The following SLC25A43 variants were observed in gnomAD, a reference collection of about 807,000 sequenced individuals.
SLC25A43 encodes the protein solute carrier family 25, member 43.
Under a neutral mutation model 22.8 loss-of-function variants are expected in SLC25A43, and 10 were observed. The observed-to-expected ratio is 0.44, with a 90% CI of 0.27 to 0.74. SLC25A43 has a LOEUF of 0.74. Among genes scored for constraint, SLC25A43 ranks in the 30% least tolerant of loss-of-function variants. SLC25A43 has a pLI of 0.17. For synonymous variants in SLC25A43, 106 were observed against 121.6 expected (o/e 0.87, Z 0.84); for missense variants, 233 against 279.1 (o/e 0.83, Z 1.18).
intron 3 of SLC25A43, among the ~76,000 whole-genome samples, chrX:119,451,616 G>A: frequency 8.9e-6 from 1 of 111,838 alleles, no homozygotes; most frequent in Non-Finnish European, 1.9e-5. Context: ...GAAATGAACA[G>A]CCTCCGCTTG....
At chrX:119,411,574 AAGTG>A (rs1250882300) in intron 3 of SLC25A43, among the ~76,000 whole-genome samples, 1 of 111,629 alleles carries the variant, frequency 9.0e-6, no homozygotes, top group Non-Finnish European at 1.9e-5. Context: ...AGAAGTTCCA[AAGTG>A]AGTAATTGTC....
At chrX:119,447,658 T>A (rs909116110) in intron 3 of SLC25A43, among the ~76,000 whole-genome samples, 10 of 110,938 alleles carry the variant, frequency 9.0e-5, no homozygotes, top group African/African-American at 3.3e-4. Flanking sequence ...TTAGATCCAA[T>A]GGTCACTTCT....
chrX:119,399,820 G>T, intron 1 of SLC25A43, 142 bp downstream of exon 1: 1 of 629,455 alleles, frequency 1.6e-6, no homozygotes. Context: ...GGACCCCTCG[G>T]GGCGGTGGGC....
At chrX:119,441,490 T>TC (rs1352182635) in intron 3 of SLC25A43, among the ~76,000 whole-genome samples, 1 of 111,275 alleles carries the variant, frequency 9.0e-6, no homozygotes, top group Non-Finnish European at 1.9e-5. Flanking sequence ...TCTTGGCTCC[T>TC]CCCGCTTTGT....
At chrX:119,446,294 A>C (rs887460223) in intron 3 of SLC25A43, among the ~76,000 whole-genome samples, 1 of 111,621 alleles carries the variant, frequency 9.0e-6, no homozygotes, top group East Asian at 2.8e-4. Context: ...AAAGCTAAGT[A>C]AAATGTGGTC....
chrX:119,452,082 A>G lies in SLC25A43; in HGVS notation c.764A>G (p.Gln255Arg). The change falls in exon 4 of 5, where the codon CAG becomes CGG. Residue 255 changes from glutamine to arginine, a missense_variant. By Grantham distance (43) the Gln-to-Arg change is conservative. Transcript: ENST00000217909. ...HFSGAVDCFR[Q>R]IVKAQGVLGL... ...TCAGGAGCAGTGGACTGCTTCCGGC[A>G]GATAGTGAAGGCCCAGGGGGTCCTG... 1 of 1,210,452 alleles carries G rather than the reference A, an allele frequency of 8.3e-7. No homozygotes were observed. The highest frequency in any genetic ancestry group is 1.1e-6 in the Non-Finnish European group (1 of 894,839).
intron 3 of SLC25A43, among the ~76,000 whole-genome samples, chrX:119,411,857 G>A (rs200770224): frequency 1.8e-5 from 2 of 111,725 alleles, no homozygotes; most frequent in East Asian, 5.6e-4. Context: ...CATCCTGCAC[G>A]TGTACCACAG....
chrX:119,444,934 T>C (rs774713353), intron 3 of SLC25A43, among the ~76,000 whole-genome samples: 136 of 100,985 alleles, frequency 1.3e-3, no homozygotes, highest in African/African-American at 4.8e-3. Context: ...ACTCAGGAGG[T>C]TGAGGCACAA....
chrX:119,405,082 G>A (rs217981), intron 1 of SLC25A43, among the ~76,000 whole-genome samples: 52,228 of 110,107 alleles, frequency 0.47, 8,951 homozygotes, highest in East Asian at 0.55. Flanking sequence ...GAGACCTAAA[G>A]TGCCCCAACA....
intron 3 of SLC25A43, among the ~76,000 whole-genome samples, chrX:119,412,464 T>C (rs2052358651): frequency 9.1e-6 from 1 of 110,488 alleles, no homozygotes; most frequent in Admixed American, 9.6e-5. Context: ...AACCTCCTCC[T>C]CCTGGGTTTA....
rs987369887 is a variant in SLC25A43, at chrX:119,412,096, C to T, written c.690+1734C>T. On this transcript the variant is annotated intron_variant, in intron 3 of 4. Coordinates refer to ENST00000217909, the MANE Select transcript of SLC25A43 (RefSeq NM_145305.3). ...CTTGCTCAATGTCCCTCCCCGCTCC[C>T]GCTTTCCCTCTGTAGTAGTCCCGGC... 1.8e-4 allele frequency among the ~76,000 whole-genome samples: 20 copies of T among 111,050 alleles called. No individual in the cohort carries two copies. In the Admixed American group the frequency reaches 1.8e-3, roughly 10 times the overall value.
In SLC25A43 at chrX:119,447,482, T is replaced by A. The variant is rs372246148; in HGVS notation, c.691-4527T>A. ...CCACCACACCCAGCTAATTTTTATATTTTTTGCAGAGATAGGGGTCCCACT... is the reference window on the plus strand; with the variant it reads ...CCACCACACCCAGCTAATTTTTATAATTTTTGCAGAGATAGGGGTCCCACT... On this transcript the variant is annotated intron_variant, in intron 3 of 4. Transcript: ENST00000217909. 3.7e-5 allele frequency among the ~76,000 whole-genome samples: 4 copies of A among 109,078 alleles called. No homozygotes were observed. In the East Asian group the frequency reaches 1.2e-3, roughly 32 times the overall value. The allele number at this position is 109,078 out of a possible 115,157, so 94.7% of individuals were successfully genotyped here.
chrX:119,431,272 C>T (rs1337358357), intron 3 of SLC25A43, among the ~76,000 whole-genome samples: 1 of 111,939 alleles, frequency 8.9e-6, no homozygotes, highest in Non-Finnish European at 1.9e-5. Context: ...AATCCCAGCA[C>T]TTTGGGAGGC....
chrX:119,443,263 G>A lies in SLC25A43; in HGVS notation c.691-8746G>A, dbSNP rs1477779657. On this transcript the variant is annotated intron_variant, in intron 3 of 4. Coordinates refer to ENST00000217909, the MANE Select transcript of SLC25A43 (RefSeq NM_145305.3). ...GCCTCCCGAGTGGCCGGGATTACAG[G>A]CATCTGCCACCATGCCCGGCTAATT... 3.8e-5 allele frequency among the ~76,000 whole-genome samples: 4 copies of A among 105,756 alleles called. No individual in the cohort carries two copies. In the Admixed American group the frequency reaches 4.1e-4, roughly 11 times the overall value. 91.8% of individuals were successfully genotyped at this position (105,756 alleles called of 115,157 possible). A position where few individuals can be genotyped will look rare whatever the true frequency, so the allele number is the denominator to read the frequency against.
At chrX:119,402,180 T>C (rs1204002195) in intron 1 of SLC25A43, among the ~76,000 whole-genome samples, 1 of 111,934 alleles carries the variant, frequency 8.9e-6, no homozygotes, top group Non-Finnish European at 1.9e-5. Flanking sequence ...CCTGTGATCA[T>C]GGGTTTGAAC....
intron 3 of SLC25A43, among the ~76,000 whole-genome samples, chrX:119,414,533 TG>T (rs1424187383): frequency 1.8e-5 from 2 of 110,909 alleles, no homozygotes; most frequent in Non-Finnish European, 3.8e-5. Context: ...GGCTAATTTT[TG>T]TATTTTTGAT....
intron 3 of SLC25A43, among the ~76,000 whole-genome samples, chrX:119,427,524 C>T (rs2052517822): frequency 8.9e-6 from 1 of 112,492 alleles, no homozygotes; most frequent in Admixed American, 9.4e-5. Flanking sequence ...ACAAGGACAA[C>T]TATTTGGGTC....
chrX:119,401,863 A>G (rs369786746), intron 1 of SLC25A43, among the ~76,000 whole-genome samples: 2 of 110,820 alleles, frequency 1.8e-5, no homozygotes, highest in South Asian at 3.9e-4. Flanking sequence ...ACTAGTCCAC[A>G]TAGCAGCTGA....
intron 3 of SLC25A43, among the ~76,000 whole-genome samples, chrX:119,435,205 C>T (rs1569374629): frequency 9.0e-6 from 1 of 110,884 alleles, no homozygotes; most frequent in Non-Finnish European, 1.9e-5. Context: ...GACCTTGTAG[C>T]CTACGAGCAT....
Sources: gnomAD v4.1 joint callset for allele counts (sites outside exome capture counted in the v4.1 genomes callset) on GRCh38, gnomAD v4.1.1 for gene constraint, MANE v1.5 for transcripts, NCBI Gene and HGNC (gene_info 2026-07-23, HGNC 2026-07-21) for gene names.